FAF1: variants seen among roughly 807,000 people sequenced by gnomAD.
The protein encoded by FAF1 is FAS-associated factor 1.
In FAF1, 25 loss-of-function variants were observed where a neutral mutation model predicts 92.5. The observed-to-expected ratio is 0.27, with a 90% CI of 0.20 to 0.38. FAF1 has a LOEUF of 0.38. FAF1 is among the 10% of genes least tolerant of loss of function. The pLI, the probability that FAF1 is intolerant of heterozygous loss-of-function variation, is 1.00. For missense variants in FAF1, 636 were observed against 793.3 expected (o/e 0.80, Z 2.38); for synonymous variants, 234 against 273.2 (o/e 0.86, Z 1.42).
chr1:50,840,869 GATTA>G (rs1171092636), intron 2 of FAF1, among the ~76,000 whole-genome samples: 1 of 151,816 alleles, frequency 6.6e-6, no homozygotes, highest in African/African-American at 2.4e-5. Context: ...ATTAATAGAT[GATTA>G]ATTAAATAAA....
intron 8 of FAF1, among the ~76,000 whole-genome samples, chr1:50,644,642 G>A (rs919131670): frequency 3.9e-5 from 6 of 152,328 alleles, no homozygotes; most frequent in Admixed American, 6.5e-5. Flanking sequence ...GGATCCAGAA[G>A]TTGCCTCCAG....
chr1:50,519,344 G>C (rs1016491782), intron 15 of FAF1, among the ~76,000 whole-genome samples: 3 of 121,686 alleles, frequency 2.5e-5, no homozygotes, highest in African/African-American at 9.2e-5. Flanking sequence ...AGAAAGGAAG[G>C]AATGAAGGAA....
intron 3 of FAF1, among the ~76,000 whole-genome samples, chr1:50,788,436 T>C (rs1204008277): frequency 6.6e-6 from 1 of 152,234 alleles, no homozygotes; most frequent in Admixed American, 6.5e-5. Context: ...AGCAGTATCA[T>C]ATCATTTAGC....
chr1:50,543,732 G>A (rs1278847353), intron 13 of FAF1, among the ~76,000 whole-genome samples: 1 of 151,122 alleles, frequency 6.6e-6, no homozygotes, highest in East Asian at 1.9e-4. Flanking sequence ...GCAAAGATTT[G>A]TTGACTAAAC....
chr1:50,817,919 C>A (rs914179792), intron 2 of FAF1, among the ~76,000 whole-genome samples: 1 of 151,882 alleles, frequency 6.6e-6, no homozygotes, highest in Admixed American at 6.6e-5. Context: ...ACATATTCTG[C>A]AATAATAAAA....
At chr1:50,780,854 T>C (rs1661149478) in intron 4 of FAF1, 3 of 461,240 alleles carry the variant, frequency 6.5e-6, no homozygotes, top group South Asian at 5.0e-5. Flanking sequence ...TGATGCATCT[T>C]ACCTTCAGGA....
intron 18 of FAF1, 129 bp downstream of exon 18, chr1:50,475,335 C>A: frequency 1.4e-6 from 1 of 700,096 alleles, no homozygotes; most frequent in Non-Finnish European, 2.5e-6. Flanking sequence ...GTGTGCAGAA[C>A]AAAGAAGGAC....
At chr1:50,818,781 G>A (rs1644002270) in intron 2 of FAF1, among the ~76,000 whole-genome samples, 1 of 151,790 alleles carries the variant, frequency 6.6e-6, no homozygotes, top group Non-Finnish European at 1.5e-5. Context: ...AGCTTGCAGT[G>A]AGCTGAGATC....
intron 8 of FAF1, among the ~76,000 whole-genome samples, chr1:50,630,826 A>AT (rs1471050080): frequency 0.029 from 3,663 of 124,672 alleles, 92 homozygotes; most frequent in African/African-American, 0.06. Context: ...AGTGTATCAT[A>AT]TCTTTTTTTT....
At chr1:50,589,501 C>T (rs1160812819) in intron 9 of FAF1, among the ~76,000 whole-genome samples, 1 of 152,162 alleles carries the variant, frequency 6.6e-6, no homozygotes, top group Non-Finnish European at 1.5e-5. Flanking sequence ...TCTTGCAGCT[C>T]TGGGTCTTTG....
At chr1:50,802,563 T>C (rs145655631) in intron 2 of FAF1, among the ~76,000 whole-genome samples, 14 of 152,300 alleles carry the variant, frequency 9.2e-5, no homozygotes, top group African/African-American at 3.4e-4. Context: ...AGTTACCAAG[T>C]AGTCAGAACA....
intron 1 of FAF1, among the ~76,000 whole-genome samples, chr1:50,878,791 C>G (rs918999368): frequency 5.3e-5 from 8 of 152,142 alleles, no homozygotes; most frequent in Admixed American, 2.6e-4. Context: ...ATCATCTCAC[C>G]AACCCTATGA....
chr1:50,595,163 T>C (rs1306280079), intron 9 of FAF1, among the ~76,000 whole-genome samples: 1 of 152,000 alleles, frequency 6.6e-6, no homozygotes, highest in Non-Finnish European at 1.5e-5. Flanking sequence ...CAAGTGATTC[T>C]CCTGCCTTAG....
intron 8 of FAF1, among the ~76,000 whole-genome samples, chr1:50,654,517 G>T (rs1194107332): frequency 6.6e-6 from 1 of 152,072 alleles, no homozygotes; most frequent in Non-Finnish European, 1.5e-5. Flanking sequence ...GATAGGAAAG[G>T]CTTCAAACAT....
At chr1:50,713,032 C>T (rs1035393303) in intron 6 of FAF1, among the ~76,000 whole-genome samples, 35 of 151,302 alleles carry the variant, frequency 2.3e-4, no homozygotes, top group African/African-American at 5.1e-4. Flanking sequence ...CATGGTGGCA[C>T]GCGCCTGTAG....
intron 7 of FAF1, among the ~76,000 whole-genome samples, chr1:50,660,817 T>C (rs970641013): frequency 6.6e-6 from 1 of 152,210 alleles, no homozygotes; most frequent in Non-Finnish European, 1.5e-5. Flanking sequence ...ATCCTAGTTC[T>C]GCTCAACTGT....
chr1:50,709,077 T>C (rs966492942), intron 6 of FAF1, among the ~76,000 whole-genome samples: 5 of 152,220 alleles, frequency 3.3e-5, no homozygotes, highest in African/African-American at 1.2e-4. Flanking sequence ...CTTTCAAAGG[T>C]AGATCTATTG....
intron 8 of FAF1, among the ~76,000 whole-genome samples, chr1:50,623,349 C>A (rs908656556): frequency 5.3e-5 from 8 of 151,990 alleles, no homozygotes; most frequent in African/African-American, 1.9e-4. Flanking sequence ...GGGTGGACTG[C>A]CTGAGCTCAT....
intron 8 of FAF1, among the ~76,000 whole-genome samples, chr1:50,625,742 G>C (rs1653468306): frequency 6.6e-6 from 1 of 152,138 alleles, no homozygotes; most frequent in Admixed American, 6.5e-5. Context: ...TAGGAAGGGA[G>C]GCACTGATCA....
Sources: allele counts gnomAD v4.1 joint callset (sites outside exome capture counted in the v4.1 genomes callset), GRCh38; gene constraint gnomAD v4.1.1; transcripts MANE v1.5; gene names NCBI Gene and HGNC (gene_info 2026-07-23, HGNC 2026-07-21).